Variants in RABGAP1 observed in about 807,000 individuals in gnomAD.
The protein encoded by RABGAP1 is rab GTPase-activating protein 1.
A neutral mutation model predicts 137.6 loss-of-function variants in RABGAP1; 23 were observed. That is an observed-to-expected ratio of 0.17 (90% confidence interval 0.12 to 0.24). The LOEUF (loss-of-function observed/expected upper bound fraction) is 0.24, where lower values mean the gene tolerates loss of function less well. Among genes scored for constraint, RABGAP1 ranks in the 10% least tolerant of loss-of-function variants. The pLI is 1.00. For missense variants in RABGAP1, 906 were observed against 1,275.8 expected (o/e 0.71, Z 4.42); for synonymous variants, 451 against 450.7 (o/e 1.00, Z -0.01).
chr9:123,026,177 A>G (rs554993862), intron 13 of RABGAP1, among the ~76,000 whole-genome samples: 1 of 152,182 alleles, frequency 6.6e-6, no homozygotes. Context: ...TACAAGAATT[A>G]GCCGGCCGTG....
chr9:122,990,005 G>C (rs1836586098), intron 5 of RABGAP1, 51 bp from the exon 6 acceptor site: 2 of 1,463,472 alleles, frequency 1.4e-6, no homozygotes, highest in Non-Finnish European at 1.9e-6. Flanking sequence ...CTTAATAAAG[G>C]TATTTTATAT....
intron 4 of RABGAP1, 60 bp from the exon 5 acceptor site, chr9:122,989,231 TAATCTA>T (rs1158188872): frequency 1.4e-6 from 2 of 1,392,056 alleles, no homozygotes; most frequent in African/African-American, 2.8e-5. Context: ...TCTCACATCT[TAATCTA>T]AACGTAGTGC....
chr9:123,033,353 C>T (rs2032411108), intron 13 of RABGAP1, among the ~76,000 whole-genome samples: 1 of 152,136 alleles, frequency 6.6e-6, no homozygotes, highest in South Asian at 2.1e-4. Flanking sequence ...GTTACTACCC[C>T]TTCTCCTTGC....
intron 2 of RABGAP1, among the ~76,000 whole-genome samples, chr9:122,970,485 G>C (rs952003499): frequency 6.6e-6 from 1 of 152,036 alleles, no homozygotes; most frequent in African/African-American, 2.4e-5. Context: ...TTAGATTCAG[G>C]GGGTACATGT....
At chr9:123,041,177 C>T (rs900428633) in intron 13 of RABGAP1, among the ~76,000 whole-genome samples, 2 of 152,164 alleles carry the variant, frequency 1.3e-5, no homozygotes, top group African/African-American at 4.8e-5. Context: ...ACTTCCAACA[C>T]TGTAAGAGCT....
intron 1 of RABGAP1, among the ~76,000 whole-genome samples, chr9:122,944,300 GCTCAC>G (rs1356770593): frequency 2.6e-5 from 4 of 151,356 alleles, no homozygotes; most frequent in Non-Finnish European, 5.9e-5. Flanking sequence ...TGCTGTCGTA[GCTCAC>G]CTCAACCTTG....
intron 1 of RABGAP1, among the ~76,000 whole-genome samples, chr9:122,941,648 A>C (rs976538141): frequency 3.9e-5 from 6 of 152,168 alleles, no homozygotes; most frequent in African/African-American, 7.2e-5. Context: ...TCTGCAATTA[A>C]AGCGTTCTTG....
In RABGAP1 at chr9:123,104,809, T is replaced by C. The variant is rs1013629400; in HGVS notation, c.*1596T>C. The C allele has an allele frequency of 6.6e-6, 1 of 152,230 alleles. No individual in the cohort carries two copies. The highest frequency in any genetic ancestry group is 2.4e-5 in the African/African-American group (1 of 41,458). The allele number at this position is 152,230 out of a possible 1,614,324, so 9.4% of individuals were successfully genotyped here. A position where few individuals can be genotyped will look rare whatever the true frequency, so the allele number is the denominator to read the frequency against. Reference sequence around the variant, plus strand: ...ATAAACCAGTAAAATTGTATTACTGTTTCTTTTGTTGGTTTTATTTTAACA... The same window carrying C: ...ATAAACCAGTAAAATTGTATTACTGCTTCTTTTGTTGGTTTTATTTTAACA... On this transcript the variant is annotated 3_prime_UTR_variant, in exon 26 of 26. Coordinates refer to ENST00000373647, the MANE Select transcript of RABGAP1 (RefSeq NM_012197.4).
Position 123,100,665 on chromosome 9 carries a change from C to T in RABGAP1, c.2890-901C>T, listed in dbSNP as rs146969565. ...CGAACTCCTGAGCTCGTGATCCACC[C>T]GCCTTGGCCTCCCAAAGTGCTGGGA... On this transcript the variant is annotated intron_variant, in intron 24 of 25. Coordinates refer to ENST00000373647, the MANE Select transcript of RABGAP1 (RefSeq NM_012197.4). Among the ~76,000 whole-genome samples the T allele has an allele frequency of 9.3e-3, 1,414 of 152,280 alleles. 27 individuals are homozygous for T. Among genetic ancestry groups the T allele is most frequent in the African/African-American group, 0.032 (1,349 of 41,548 alleles).
intron 2 of RABGAP1, among the ~76,000 whole-genome samples, chr9:122,974,541 A>G (rs1406682544): frequency 6.6e-6 from 1 of 151,082 alleles, no homozygotes; most frequent in South Asian, 2.1e-4. Context: ...TGTAATCCCA[A>G]CACACTTTGG....
At chr9:123,080,016 G>A (rs1375272633) in intron 19 of RABGAP1, among the ~76,000 whole-genome samples, 1 of 152,178 alleles carries the variant, frequency 6.6e-6, no homozygotes, top group African/African-American at 2.4e-5. Flanking sequence ...TCTACCATGT[G>A]TTTTACAAAG....
At chr9:123,089,328 C>T (rs1383931818) in intron 19 of RABGAP1, among the ~76,000 whole-genome samples, 1 of 152,132 alleles carries the variant, frequency 6.6e-6, no homozygotes, top group African/African-American at 2.4e-5. Context: ...AACCAACCTC[C>T]TTATACCTCA....
intron 11 of RABGAP1, among the ~76,000 whole-genome samples, chr9:123,011,804 A>C (rs1245242992): frequency 6.6e-6 from 1 of 152,110 alleles, no homozygotes; most frequent in Non-Finnish European, 1.5e-5. Context: ...AATACAAAAA[A>C]ATTAGCTGGG....
chr9:122,989,803 T>C (rs1836568683), intron 5 of RABGAP1: 1 of 509,716 alleles, frequency 2.0e-6, no homozygotes, highest in Admixed American at 3.6e-5. Flanking sequence ...TATCTTCAGA[T>C]AGTTTCTAAC....
intron 13 of RABGAP1, among the ~76,000 whole-genome samples, chr9:123,052,759 A>G (rs1307232606): frequency 6.6e-6 from 1 of 152,042 alleles, no homozygotes; most frequent in Non-Finnish European, 1.5e-5. Context: ...GCGAAACCCC[A>G]TCTCTACCAA....
chr9:122,945,081 C>G (rs911556950), intron 1 of RABGAP1, among the ~76,000 whole-genome samples: 1 of 147,242 alleles, frequency 6.8e-6, no homozygotes, highest in Non-Finnish European at 1.5e-5. Context: ...AAAAAAAATT[C>G]AAGGCTCAGG....
intron 2 of RABGAP1, among the ~76,000 whole-genome samples, chr9:122,969,588 T>C (rs1835365185): frequency 6.6e-6 from 1 of 152,114 alleles, no homozygotes; most frequent in Admixed American, 6.5e-5. Flanking sequence ...AGTGGTCCTC[T>C]CCTTTTTGAA....
chr9:123,102,008 G>A (rs2035360678), intron 25 of RABGAP1, among the ~76,000 whole-genome samples: 1 of 152,126 alleles, frequency 6.6e-6, no homozygotes, highest in Admixed American at 6.5e-5. Flanking sequence ...TCTTTTGATG[G>A]GATGAGAAGA....
chr9:122,994,702 A>G (rs1042644827), intron 6 of RABGAP1, among the ~76,000 whole-genome samples: 8 of 152,248 alleles, frequency 5.3e-5, no homozygotes, highest in African/African-American at 1.4e-4. Context: ...AAAGTTGTAC[A>G]GAAATAAGAT....
Sources: allele counts gnomAD v4.1 joint callset (sites outside exome capture counted in the v4.1 genomes callset), GRCh38; gene constraint gnomAD v4.1.1; transcripts MANE v1.5; gene names NCBI Gene and HGNC (gene_info 2026-07-23, HGNC 2026-07-21).